Variants in SLC27A1 observed in about 807,000 individuals in gnomAD.
SLC27A1 encodes the protein long-chain fatty acid transport protein 1.
Under a neutral mutation model 62.2 loss-of-function variants are expected in SLC27A1, and 61 were observed. The observed-to-expected ratio is 0.98, with a 90% CI of 0.80 to 1.21. The LOEUF (loss-of-function observed/expected upper bound fraction) is 1.21. SLC27A1 is among the 50% of genes most tolerant of loss of function. The pLI is 0.00. For missense variants in SLC27A1, 903 were observed against 932.1 expected (o/e 0.97, Z 0.41); for synonymous variants, 435 against 408.6 (o/e 1.06, Z -0.78).
chr19:17,483,585 A>T (rs2075200919), intron 1 of SLC27A1, among the ~76,000 whole-genome samples: 2 of 151,930 alleles, frequency 1.3e-5, no homozygotes, highest in South Asian at 4.2e-4. Context: ...GTCTCATGAA[A>T]ACCCTGGACC....
At chr19:17,491,201 T>TA (rs34812908) in intron 6 of SLC27A1, 319 of 143,394 alleles carry the variant, frequency 2.2e-3, no homozygotes, top group African/African-American at 4.7e-3. Context: ...ATTCCATCTT[T>TA]AAAAAAAAAA....
chr19:17,482,994 G>A (rs2075194715), intron 1 of SLC27A1, among the ~76,000 whole-genome samples: 1 of 152,058 alleles, frequency 6.6e-6, no homozygotes, highest in Non-Finnish European at 1.5e-5. Flanking sequence ...ATGAATGAGG[G>A]AATGAGTGAA....
At position 17,504,935 on chromosome 19, in the gene SLC27A1, C is replaced by T. The variant is rs996544413; in HGVS notation, c.*323C>T. 3.3e-5 allele frequency: 16 copies of T among 478,818 alleles called. No homozygotes were observed. The highest frequency in any genetic ancestry group is 2.2e-4 in the South Asian group (14 of 63,458). The allele number at this position is 478,818 out of a possible 1,614,324, so 29.7% of individuals were successfully genotyped here. On this transcript the variant is annotated 3_prime_UTR_variant, in exon 12 of 12. Transcript: ENST00000252595. ...TAAGATAGAGTCTCACTCTGCTGCC[C>T]GGGCTAGAGTGCAGTGGTGGGATCT...
chr19:17,488,413 C>T (rs1288164700), intron 4 of SLC27A1, among the ~76,000 whole-genome samples: 1 of 152,130 alleles, frequency 6.6e-6, no homozygotes, highest in Non-Finnish European at 1.5e-5. Context: ...TGGCTTCTGC[C>T]ACTTCCCTGA....
intron 1 of SLC27A1, among the ~76,000 whole-genome samples, chr19:17,473,981 C>T (rs2075100283): frequency 6.6e-6 from 1 of 152,180 alleles, no homozygotes; most frequent in African/African-American, 2.4e-5. Flanking sequence ...CTCACTCTGT[C>T]ACCCAGGCTG....
chr19:17,488,554 C>T (rs2075261059), intron 4 of SLC27A1, among the ~76,000 whole-genome samples: 1 of 152,170 alleles, frequency 6.6e-6, no homozygotes, highest in South Asian at 2.1e-4. Context: ...AGCTCGCCCC[C>T]ACAGCTCTTT....
Position 17,500,571 on chromosome 19 carries a change from C to A in SLC27A1, c.1410C>A (p.Ser470Arg), listed in dbSNP as rs569493464. 1.2e-6 allele frequency: 2 copies of A among 1,613,528 alleles called. No homozygotes were observed. The highest frequency in any genetic ancestry group is 2.2e-5 in the East Asian group (1 of 44,880). ...GCTTCGATGGCTATGTCAGCGAGAG[C>A]GCCACCAGCAAGAAGATCGCCCACA... ...LRRFDGYVSE[S>R]ATSKKIAHSV... The change falls in exon 9 of 12, where the codon AGC (serine) becomes AGA (arginine). Residue 470 changes from serine (S) to arginine (R), a missense_variant. Ser to Arg is a moderately radical substitution (Grantham distance 110, BLOSUM62 -1). Coordinates refer to ENST00000252595, the MANE Select transcript of SLC27A1 (RefSeq NM_198580.3).
intron 4 of SLC27A1, among the ~76,000 whole-genome samples, chr19:17,488,070 T>A (rs1047998984): frequency 3.9e-5 from 6 of 152,006 alleles, no homozygotes; most frequent in Non-Finnish European, 2.9e-5. Context: ...AATAAAACCC[T>A]CTCTCGGGCT....
chr19:17,480,962 G>T (rs2075172019), intron 1 of SLC27A1, among the ~76,000 whole-genome samples: 1 of 146,976 alleles, frequency 6.8e-6, no homozygotes, highest in Non-Finnish European at 1.5e-5. Flanking sequence ...TTTTGCTCTT[G>T]TTGCCCAGCC....
Position 17,486,014 on chromosome 19 carries a change from T to C in SLC27A1, c.168-549T>C, listed in dbSNP as rs970857437. On this transcript the variant is annotated intron_variant, in intron 1 of 11. Coordinates refer to ENST00000252595, the MANE Select transcript of SLC27A1 (RefSeq NM_198580.3). This position sits in a 1 kb window ranked among gnomAD's most constrained non-coding sequence, Gnocchi z 6.6. ...TGGAACCCTCCATCTGGGCTTGGCATTGGTCCTTACACCCCCCATCCACTG... is the reference window on the plus strand; with the variant it reads ...TGGAACCCTCCATCTGGGCTTGGCACTGGTCCTTACACCCCCCATCCACTG... 1.3e-5 allele frequency among the ~76,000 whole-genome samples: 2 copies of C among 152,170 alleles called. No homozygotes were observed. Among genetic ancestry groups the C allele is most frequent in the South Asian group, 2.1e-4 (1 of 4,822 alleles).
chr19:17,501,054 T>C (rs903850819), intron 10 of SLC27A1, among the ~76,000 whole-genome samples, 178 bp downstream of exon 10: 3 of 152,208 alleles, frequency 2.0e-5, no homozygotes, highest in African/African-American at 7.2e-5. Context: ...AGCCTCAGTT[T>C]TGTCATCCAG....
chr19:17,487,599 GC>G, intron 4 of SLC27A1, 70 bp downstream of exon 4: 1 of 1,460,246 alleles, frequency 6.8e-7, no homozygotes, highest in Non-Finnish European at 9.4e-7. Flanking sequence ...AGCCTGACCT[GC>G]CCCTCAGCTC....
intron 1 of SLC27A1, among the ~76,000 whole-genome samples, chr19:17,484,809 G>C (rs941113929): frequency 6.6e-6 from 1 of 152,194 alleles, no homozygotes. Context: ...ATTTTGGGGG[G>C]TGTGAGCAGC....
chr19:17,469,485 A>T (rs73923970), upstream of SLC27A1, among the ~76,000 whole-genome samples: 3,761 of 152,126 alleles, frequency 0.025, 164 homozygotes, highest in African/African-American at 0.087. Context: ...CTTGCGAGCC[A>T]CGCCCCAAGG....
At chr19:17,474,772 C>T (rs1023460809) in intron 1 of SLC27A1, among the ~76,000 whole-genome samples, 24 of 151,364 alleles carry the variant, frequency 1.6e-4, no homozygotes, top group African/African-American at 5.3e-4. Context: ...CTGGGATTAC[C>T]GGCATGCACC....
Position 17,505,271 on chromosome 19 carries a change from CT to C in SLC27A1, c.*663del. The C allele has an allele frequency of 4.7e-6, 1 of 213,018 alleles. No individual in the cohort carries two copies. The highest frequency in any genetic ancestry group is 1.2e-4 in the East Asian group (1 of 8,060). The allele number at this position is 213,018 out of a possible 1,614,324, so 13.2% of individuals were successfully genotyped here. On this transcript the variant is annotated 3_prime_UTR_variant, in exon 12 of 12. Transcript: ENST00000252595. ...CTGCATCTTGTGTAGGGTCCAGCTG[CT>C]TTTGGGGACTGCAGGAATCATCTCC...
intron 6 of SLC27A1, among the ~76,000 whole-genome samples, chr19:17,494,660 C>T (rs2144600424): frequency 6.6e-6 from 1 of 152,172 alleles, no homozygotes; most frequent in South Asian, 2.1e-4. Flanking sequence ...CAGCTGCTGG[C>T]ATCCCCTGCT....
intron 7 of SLC27A1, chr19:17,500,047 G>C: frequency 3.3e-6 from 2 of 606,412 alleles, no homozygotes; most frequent in South Asian, 4.6e-5. Context: ...CAGGAAGTGG[G>C]TGCCAGCCAG....
At chr19:17,492,198 T>C (rs2075300655) in intron 6 of SLC27A1, among the ~76,000 whole-genome samples, 1 of 152,220 alleles carries the variant, frequency 6.6e-6, no homozygotes, top group East Asian at 1.9e-4. Context: ...TGGTCCCCGC[T>C]TGAGAATCGC....
Sources: gnomAD v4.1 joint callset for allele counts (sites outside exome capture counted in the v4.1 genomes callset) on GRCh38, gnomAD v4.1.1 for gene constraint, Gnocchi (gnomAD v3.1) non-coding constraint, MANE v1.5 for transcripts, NCBI Gene and HGNC (gene_info 2026-07-23, HGNC 2026-07-21) for gene names.